Variants in LDLRAD4 observed in about 807,000 individuals in gnomAD.
The protein encoded by LDLRAD4 is low-density lipoprotein receptor class A domain-containing protein 4.
A neutral mutation model predicts 17.0 loss-of-function variants in LDLRAD4; 5 were observed. That is an observed-to-expected ratio of 0.29 (90% confidence interval 0.15 to 0.62). LDLRAD4 has a LOEUF of 0.62. Among genes scored for constraint, LDLRAD4 ranks in the 20% least tolerant of loss-of-function variants. LDLRAD4 has a pLI of 0.84. For synonymous variants in LDLRAD4, 168 were observed against 171.8 expected (o/e 0.98, Z 0.17); for missense variants, 340 against 424.7 (o/e 0.80, Z 1.75).
At chr18:13,448,481 G>A (rs1019500296) in intron 3 of LDLRAD4, among the ~76,000 whole-genome samples, 1 of 152,208 alleles carries the variant, frequency 6.6e-6, no homozygotes, top group African/African-American at 2.4e-5. Flanking sequence ...CTGCCTGGCT[G>A]CGCTTGGGTG....
At chr18:13,356,559 T>C (rs2083354937) in intron 1 of LDLRAD4, among the ~76,000 whole-genome samples, 1 of 152,224 alleles carries the variant, frequency 6.6e-6, no homozygotes, top group Non-Finnish European at 1.5e-5. Context: ...TACCTTTTTA[T>C]TGTAGAATAA....
In LDLRAD4 at chr18:13,622,519, A is replaced by G. The variant is rs1296957762; in HGVS notation, c.336+1248A>G. On this transcript the variant is annotated intron_variant, in intron 4 of 5. Coordinates refer to ENST00000359446, the Ensembl canonical transcript of LDLRAD4. This position sits in a 1 kb window ranked among gnomAD's most constrained non-coding sequence, Gnocchi z 5.3. ...CCTTCTGTCCTCTCTCTGGATGCCC[A>G]GTTCAGTCCACAAGCCCCTCTGGCC... Among the ~76,000 whole-genome samples, 2 of 152,086 alleles carry G rather than the reference A, an allele frequency of 1.3e-5. No individual in the cohort carries two copies. Among genetic ancestry groups the G allele is most frequent in the African/African-American group, 4.8e-5 (2 of 41,404 alleles).
At chr18:13,634,532 G>A (rs2041926821) in intron 4 of LDLRAD4, among the ~76,000 whole-genome samples, 1 of 152,142 alleles carries the variant, frequency 6.6e-6, no homozygotes, top group Non-Finnish European at 1.5e-5. Flanking sequence ...CTTGTGCACT[G>A]AGCAATAGAA....
At chr18:13,461,321 A>G (rs1409283016) in intron 3 of LDLRAD4, 3 of 152,412 alleles carry the variant, frequency 2.0e-5, no homozygotes, top group African/African-American at 7.2e-5. Flanking sequence ...GTAGGAGGAC[A>G]TAGTAAACAA....
chr18:13,415,843 G>A (rs1253132106), intron 2 of LDLRAD4, among the ~76,000 whole-genome samples: 1 of 152,260 alleles, frequency 6.6e-6, no homozygotes, highest in Non-Finnish European at 1.5e-5. Context: ...CCGGAGGGGT[G>A]CTCCCTCTAT....
At chr18:13,626,781 T>C (rs1228515219) in intron 4 of LDLRAD4, among the ~76,000 whole-genome samples, 1 of 152,184 alleles carries the variant, frequency 6.6e-6, no homozygotes, top group Non-Finnish European at 1.5e-5. Flanking sequence ...CCCTGGCTGT[T>C]GCGGAGGAGG....
intron 1 of LDLRAD4, among the ~76,000 whole-genome samples, chr18:13,366,835 T>C (rs1208750865): frequency 6.6e-6 from 1 of 152,222 alleles, no homozygotes; most frequent in African/African-American, 2.4e-5. Context: ...CCTTTCAGTC[T>C]TGCGTGGTTC....
At chr18:13,347,467 G>T (rs1322921706) in intron 1 of LDLRAD4, among the ~76,000 whole-genome samples, 1 of 152,176 alleles carries the variant, frequency 6.6e-6, no homozygotes, top group Non-Finnish European at 1.5e-5. Flanking sequence ...GCTTCCCTTT[G>T]TGGGTAACCC....
chr18:13,226,180 C>CTTTTGTTTTTTTTTTTTTT (rs2041782443), intron 1 of LDLRAD4, among the ~76,000 whole-genome samples: 1 of 52,188 alleles, frequency 1.9e-5, no homozygotes, highest in Non-Finnish European at 3.3e-5. Flanking sequence ...CCATGCCTTG[C>CTTTTGTTTTTTTTTTTTTT]TTTTTTTTTT....
At chr18:13,298,198 C>T (rs1366605651) in intron 1 of LDLRAD4, among the ~76,000 whole-genome samples, 1 of 152,200 alleles carries the variant, frequency 6.6e-6, no homozygotes, top group Non-Finnish European at 1.5e-5. Context: ...TTGGAGATTC[C>T]TGGCATCTAT....
chr18:13,234,922 T>C (rs1047134160), intron 1 of LDLRAD4: 1 of 152,192 alleles, frequency 6.6e-6, no homozygotes, highest in Non-Finnish European at 1.5e-5. Context: ...TAGTTATTTA[T>C]TTGCTTAGAA....
intron 3 of LDLRAD4, among the ~76,000 whole-genome samples, chr18:13,495,521 G>A (rs182651870): frequency 3.9e-5 from 6 of 152,264 alleles, no homozygotes; most frequent in Admixed American, 3.9e-4. Context: ...AAATACCAAG[G>A]CATATTTCCC....
intron 2 of LDLRAD4, among the ~76,000 whole-genome samples, chr18:13,389,982 C>T (rs540158998): frequency 8.6e-5 from 13 of 151,410 alleles, no homozygotes; most frequent in East Asian, 5.8e-4. Context: ...CCCCAGCTCA[C>T]GTTTTTTTTT....
intron 3 of LDLRAD4, among the ~76,000 whole-genome samples, chr18:13,560,805 G>C (rs1421376950): frequency 1.3e-5 from 2 of 152,186 alleles, no homozygotes; most frequent in African/African-American, 4.8e-5. Context: ...AGCTGTAGTT[G>C]TTGCTGTGGC....
At chr18:13,281,018 A>G (rs947574836) in intron 1 of LDLRAD4, among the ~76,000 whole-genome samples, 1 of 152,236 alleles carries the variant, frequency 6.6e-6, no homozygotes, top group Non-Finnish European at 1.5e-5. Context: ...TGCTGTCTAC[A>G]CTGGTAAATA....
At chr18:13,344,845 T>A (rs2082590346) in intron 1 of LDLRAD4, among the ~76,000 whole-genome samples, 1 of 152,220 alleles carries the variant, frequency 6.6e-6, no homozygotes, top group Non-Finnish European at 1.5e-5. Context: ...TTGAAGCAAT[T>A]GTAAATGGGA....
chr18:13,631,048 CG>C (rs2041619421), intron 4 of LDLRAD4, among the ~76,000 whole-genome samples: 1 of 152,184 alleles, frequency 6.6e-6, no homozygotes, highest in Non-Finnish European at 1.5e-5. Context: ...CAGCAGGGTT[CG>C]GGCGTGGTGT....
intron 1 of LDLRAD4, among the ~76,000 whole-genome samples, chr18:13,261,005 C>T (rs1323321929): frequency 6.6e-6 from 1 of 152,258 alleles, no homozygotes; most frequent in Non-Finnish European, 1.5e-5. Context: ...TCCCTCTTTT[C>T]CAGGTCAGGC....
chr18:13,243,524 A>G (rs1030608177), intron 1 of LDLRAD4, among the ~76,000 whole-genome samples: 3 of 145,270 alleles, frequency 2.1e-5, no homozygotes, highest in Non-Finnish European at 4.5e-5. Context: ...CCACCCATCC[A>G]TCATCCATCC....
Sources: gnomAD v4.1 joint callset for allele counts (sites outside exome capture counted in the v4.1 genomes callset) on GRCh38, gnomAD v4.1.1 for gene constraint, Gnocchi (gnomAD v3.1) non-coding constraint, MANE v1.5 for transcripts, NCBI Gene and HGNC (gene_info 2026-07-23, HGNC 2026-07-21) for gene names.